RPAP1: variants seen among roughly 807,000 people sequenced by gnomAD.
The protein encoded by RPAP1 is RNA polymerase II associated protein 1.
In RPAP1, 109 loss-of-function variants were observed where a neutral mutation model predicts 142.4. The ratio of observed to expected loss-of-function variants is 0.77; its 90% CI spans 0.66 to 0.90. The LOEUF (loss-of-function observed/expected upper bound fraction) is 0.90. Among genes scored for constraint, RPAP1 ranks in the 40% least tolerant of loss-of-function variants. The pLI, the probability that RPAP1 is intolerant of heterozygous loss-of-function variation, is 0.00. For missense variants in RPAP1, 1,546 were observed against 1,751.7 expected (o/e 0.88, Z 2.10); for synonymous variants, 704 against 738.9 (o/e 0.95, Z 0.77).
At chr15:41,522,681 C>T (rs750026161) in intron 19 of RPAP1, 84 bp downstream of exon 19, 72 of 904,280 alleles carry the variant, frequency 8.0e-5, no homozygotes, top group African/African-American at 3.2e-4. Flanking sequence ...TGAGCCACCG[C>T]GCCCATCCCA....
In RPAP1 at chr15:41,535,543, C is replaced by G. The variant is rs1374413615; in HGVS notation, c.510G>C (p.Gly170=). ...RIAEAKGPSV[G]EVVPNVGPPE... ...GTGGGCCCACGTTGGGCACAACTTC[C>G]CCAACTGATGGGCCCTTGGCTTCAG... The change falls in exon 5 of 25, where the codon GGG becomes GGC. Residue 170 remains glycine, a synonymous_variant. Transcript: ENST00000304330. The G allele has an allele frequency of 3.8e-5, 61 of 1,613,428 alleles. No individual in the cohort carries two copies. Among genetic ancestry groups the G allele is most frequent in the Non-Finnish European group, 5.0e-5 (59 of 1,179,864 alleles).
intron 6 of RPAP1, among the ~76,000 whole-genome samples, chr15:41,533,006 A>T (rs2051869543): frequency 2.7e-5 from 1 of 36,912 alleles, no homozygotes. Flanking sequence ...AAAAAAAAGC[A>T]GGGCATATGA....
chr15:41,540,829 AG>A (rs2051965171), intron 1 of RPAP1, among the ~76,000 whole-genome samples: 1 of 152,134 alleles, frequency 6.6e-6, no homozygotes, highest in African/African-American at 2.4e-5. Context: ...TCTCCTGAAG[AG>A]CAAAGGCTGC....
intron 15 of RPAP1, among the ~76,000 whole-genome samples, chr15:41,524,553 G>A (rs2140765166): frequency 6.8e-6 from 1 of 147,094 alleles, no homozygotes; most frequent in South Asian, 2.1e-4. Flanking sequence ...TCGGCTCACT[G>A]CAACCTCTGC....
chr15:41,539,838 C>T (rs1025120569), intron 1 of RPAP1, among the ~76,000 whole-genome samples: 2 of 151,760 alleles, frequency 1.3e-5, no homozygotes, highest in Non-Finnish European at 2.9e-5. Flanking sequence ...GAGTTCAAAC[C>T]AGCCTGACCA....
rs199679495 is a variant in RPAP1 at position 41,527,945 on chromosome 15, C to T, written c.1343G>A (p.Arg448His). The change falls in exon 11 of 25, where the codon CGC becomes CAC. Residue 448 changes from arginine (R) to histidine (H), a missense_variant. By Grantham distance (29) the Arg-to-His change is conservative (BLOSUM62 0). Coordinates refer to ENST00000304330, the MANE Select transcript of RPAP1 (RefSeq NM_015540.4). ...ATCCACTCTGTCATCCAAGGAGAAG[C>T]GCAGTAGGAAGAGGAAACCAGCATC... ...LLDAGFLFLL[R>H]FSLDDRVDGV... The T allele has an allele frequency of 2.4e-5, 39 of 1,614,066 alleles. No individual in the cohort carries two copies. Among genetic ancestry groups the T allele is most frequent in the Admixed American group, 1.0e-4 (6 of 60,004 alleles).
rs1230426324 is a variant in RPAP1, at chr15:41,528,346, G to A, written c.1159-10C>T. On this transcript the variant is annotated splice_polypyrimidine_tract_variant and intron_variant, in intron 9 of 24. Transcript: ENST00000304330. ...GGGAATACCCCGCTCTCTGGGGCAG[G>A]GACAAGAAGTCAGAAGCAGCCAGGA... The A allele has an allele frequency of 7.6e-6, 12 of 1,571,124 alleles. No homozygotes were observed. Among genetic ancestry groups the A allele is most frequent in the Non-Finnish European group, 1.0e-5 (12 of 1,155,734 alleles).
intron 18 of RPAP1, 27 bp from the exon 19 acceptor site, chr15:41,522,987 G>A: frequency 1.3e-6 from 2 of 1,493,664 alleles, no homozygotes; most frequent in Non-Finnish European, 1.8e-6. Context: ...GAGTCTGAGG[G>A]GGACTCTGGC....
chr15:41,524,473 C>CTTTT (rs397956859), intron 15 of RPAP1, among the ~76,000 whole-genome samples: 3 of 127,968 alleles, frequency 2.3e-5, no homozygotes, highest in African/African-American at 3.0e-5. Context: ...GATACCAATG[C>CTTTT]TTTTTTTTTT....
rs780222987 is a variant in RPAP1 at position 41,537,013 on chromosome 15, CT to C, written c.112del (p.Arg38GlyfsTer20). ...PAVQLVKKGN[R>X]GGGDANSDRP... ...GTCTGAGTTGGCATCACCACCGCCC[CT>C]ATTTCCTTTCTTCACCAACTGCACT... On this transcript the variant is annotated frameshift_variant, in exon 2 of 25. Transcript: ENST00000304330. LOFTEE classifies it high-confidence loss of function. 5.6e-6 allele frequency: 9 copies of C among 1,614,148 alleles called. No homozygotes were observed. Among genetic ancestry groups the C allele is most frequent in the Admixed American group, 5.0e-5 (3 of 60,018 alleles).
chr15:41,523,048 C>CG, intron 18 of RPAP1, 88 bp from the exon 19 acceptor site: 5 of 1,176,606 alleles, frequency 4.2e-6, no homozygotes, highest in Non-Finnish European at 5.8e-6. Flanking sequence ...CTAAGACTAA[C>CG]GGGGGGCCTG....
rs1314877693 is a variant in RPAP1, at chr15:41,518,066, G to C, written c.3912C>G (p.Leu1304=). 1 of 1,613,426 alleles carries C rather than the reference G, an allele frequency of 6.2e-7. No individual in the cohort carries two copies. The highest frequency in any genetic ancestry group is 8.5e-7 in the Non-Finnish European group (1 of 1,179,842). The change falls in exon 23 of 25, where the codon CTC becomes CTG. Residue 1304 remains leucine (L), a synonymous_variant. Coordinates refer to ENST00000304330, the MANE Select transcript of RPAP1 (RefSeq NM_015540.4). ...TGACATGAGCCACAGCCACAGCATA[G>C]AGCACGGGGCACCAACGTGGGCGGA... ...GALRPRWCPV[L]YAVAVAHVNS...
At chr15:41,537,912 T>C (rs117378653) in intron 1 of RPAP1, among the ~76,000 whole-genome samples, 5,423 of 149,864 alleles carry the variant, frequency 0.036, 154 homozygotes, top group Non-Finnish European at 0.057. Flanking sequence ...TGTATGTCTA[T>C]GCACTAGCAA....
intron 3 of RPAP1, 39 bp downstream of exon 3, chr15:41,536,462 C>T: frequency 3.7e-6 from 6 of 1,609,790 alleles, no homozygotes; most frequent in Non-Finnish European, 5.1e-6. Flanking sequence ...CCCTGTTGCC[C>T]TAGAACATCT....
chr15:41,521,625 G>A (rs184927267), intron 21 of RPAP1, 113 bp downstream of exon 21: 30 of 1,204,994 alleles, frequency 2.5e-5, no homozygotes, highest in South Asian at 4.6e-5. Context: ...GTTAAGTGTC[G>A]TCGGTGGAAG....
At chr15:41,525,171 G>A (rs955552162) in intron 14 of RPAP1, 23 bp from the exon 15 acceptor site, 10 of 1,582,722 alleles carry the variant, frequency 6.3e-6, no homozygotes, top group Non-Finnish European at 8.6e-6. Flanking sequence ...ACAGTCTGAG[G>A]ATCAGGGTCA....
At chr15:41,544,075 C>G (rs990632639) in intron 1 of RPAP1, 144 bp downstream of exon 1, 1 of 152,258 alleles carries the variant, frequency 6.6e-6, no homozygotes, top group African/African-American at 2.4e-5. Context: ...GGGCCGTGCC[C>G]GAGATCTATG....
At chr15:41,526,094 C>T (rs768898472) in intron 14 of RPAP1, among the ~76,000 whole-genome samples, 15 of 152,288 alleles carry the variant, frequency 9.8e-5, no homozygotes, top group South Asian at 6.2e-4. Flanking sequence ...GGACTACAGG[C>T]GCACACTATT....
At chr15:41,535,051 C>T (rs1445684101) in intron 5 of RPAP1, 116 bp from the exon 6 acceptor site, 4 of 949,058 alleles carry the variant, frequency 4.2e-6, no homozygotes, top group Non-Finnish European at 6.2e-6. Context: ...CCAAACTTTC[C>T]TCAGAGTGGA....
Sources: gnomAD v4.1 joint callset for allele counts (sites outside exome capture counted in the v4.1 genomes callset) on GRCh38, gnomAD v4.1.1 for gene constraint, MANE v1.5 for transcripts, NCBI Gene and HGNC (gene_info 2026-07-23, HGNC 2026-07-21) for gene names.